SLC25A21: variants seen among roughly 807,000 people sequenced by gnomAD.
The protein encoded by SLC25A21 is mitochondrial 2-oxodicarboxylate carrier.
In SLC25A21, 47 loss-of-function variants were observed where a neutral mutation model predicts 43.8. The observed-to-expected ratio is 1.07, with a 90% CI of 0.85 to 1.37. The LOEUF is 1.37. SLC25A21 is among the 40% of genes most tolerant of loss of function. SLC25A21 has a pLI of 0.00. For missense variants in SLC25A21, 352 were observed against 350.2 expected (o/e 1.00, Z -0.04); for synonymous variants, 131 against 121.3 (o/e 1.08, Z -0.52).
At chr14:37,042,012 GA>G (rs1196866867) in intron 1 of SLC25A21, among the ~76,000 whole-genome samples, 1 of 152,204 alleles carries the variant, frequency 6.6e-6, no homozygotes. Flanking sequence ...GAGAAGCTGT[GA>G]TTTAAGCAAT....
At chr14:37,121,907 G>T (rs1032058677) in intron 1 of SLC25A21, among the ~76,000 whole-genome samples, 1 of 152,104 alleles carries the variant, frequency 6.6e-6, no homozygotes, top group Non-Finnish European at 1.5e-5. Context: ...TTTCTTTCAA[G>T]AACCATCTCG....
At chr14:37,158,539 T>G (rs1239869345) in intron 1 of SLC25A21, among the ~76,000 whole-genome samples, 2 of 152,118 alleles carry the variant, frequency 1.3e-5, no homozygotes, top group Non-Finnish European at 2.9e-5. Flanking sequence ...CATACTTTCT[T>G]GATAAAAATT....
At chr14:37,143,589 CGTGTGTGTGT>C (rs10531936) in intron 1 of SLC25A21, among the ~76,000 whole-genome samples, 2 of 148,650 alleles carry the variant, frequency 1.3e-5, no homozygotes, top group East Asian at 4.0e-4. Flanking sequence ...TGTTCATTAG[CGTGTGTGTGT>C]GTGTGTGTGT....
chr14:36,839,640 G>C (rs1342139943), intron 2 of SLC25A21, among the ~76,000 whole-genome samples: 1 of 152,208 alleles, frequency 6.6e-6, no homozygotes, highest in Non-Finnish European at 1.5e-5. Context: ...GTATCTTGGA[G>C]ATCAAGGCTT....
chr14:36,857,712 T>G (rs1889941022), intron 2 of SLC25A21, among the ~76,000 whole-genome samples: 1 of 152,116 alleles, frequency 6.6e-6, no homozygotes, highest in African/African-American at 2.4e-5. Flanking sequence ...AGTTTAAGGG[T>G]CAAATATTAC....
At chr14:36,722,245 T>C (rs1303797732) in intron 6 of SLC25A21, among the ~76,000 whole-genome samples, 1 of 152,076 alleles carries the variant, frequency 6.6e-6, no homozygotes, top group Non-Finnish European at 1.5e-5. Context: ...ATAGAGACAG[T>C]AAAAAGATCA....
chr14:37,124,807 T>G (rs1205293893), intron 1 of SLC25A21, among the ~76,000 whole-genome samples: 1 of 152,104 alleles, frequency 6.6e-6, no homozygotes, highest in Non-Finnish European at 1.5e-5. Flanking sequence ...TCTCACAAGA[T>G]CTGGTTATTT....
chr14:37,059,446 T>C (rs1282662155), intron 1 of SLC25A21, among the ~76,000 whole-genome samples: 1 of 152,220 alleles, frequency 6.6e-6, no homozygotes, highest in Non-Finnish European at 1.5e-5. Flanking sequence ...TATGTTACTG[T>C]CATATACTGT....
intron 1 of SLC25A21, among the ~76,000 whole-genome samples, chr14:36,984,481 T>G (rs898575699): frequency 3.9e-5 from 6 of 152,132 alleles, no homozygotes; most frequent in African/African-American, 1.4e-4. Context: ...AACTTATTTT[T>G]CAAACCTGTT....
intron 3 of SLC25A21, among the ~76,000 whole-genome samples, chr14:36,803,777 C>A (rs1325527): frequency 0.42 from 63,708 of 152,028 alleles, 13,826 homozygotes; most frequent in East Asian, 0.69. Context: ...TCATATGATG[C>A]TTCTTCACTC....
At chr14:37,055,998 T>A (rs2138804815) in intron 1 of SLC25A21, among the ~76,000 whole-genome samples, 1 of 152,146 alleles carries the variant, frequency 6.6e-6, no homozygotes, top group African/African-American at 2.4e-5. Flanking sequence ...ATCTACCTAG[T>A]GCAGTCTCAT....
chr14:36,848,155 G>T (rs1012644911), intron 2 of SLC25A21, among the ~76,000 whole-genome samples: 9 of 152,148 alleles, frequency 5.9e-5, no homozygotes, highest in Non-Finnish European at 1.0e-4. Context: ...TTACCCATCA[G>T]CCTCTAGATG....
At chr14:37,050,742 T>C (rs1324193314) in intron 1 of SLC25A21, among the ~76,000 whole-genome samples, 1 of 152,194 alleles carries the variant, frequency 6.6e-6, no homozygotes, top group Non-Finnish European at 1.5e-5. Flanking sequence ...TTTGAAATAA[T>C]AACCAAGTAC....
chr14:36,734,632 A>C lies in SLC25A21; in HGVS notation c.204-59T>G, dbSNP rs1884960859. ...GGAAATTAGGCAACAAGTATTTCTG[A>C]CTTTGTTAAGATAATCCTAAAGTAT... On this transcript the variant is annotated intron_variant, in intron 3 of 9. Coordinates refer to ENST00000331299, the MANE Select transcript of SLC25A21 (RefSeq NM_030631.4). 5 of 1,338,926 alleles carry C rather than the reference A, an allele frequency of 3.7e-6. No homozygotes were observed. In the Admixed American group the frequency reaches 7.8e-5, roughly 21 times the overall value. 82.9% of individuals were successfully genotyped at this position (1,338,926 alleles called of 1,614,324 possible).
Position 36,892,701 on chromosome 14 carries a change from C to T in SLC25A21, c.71-17697G>A, listed in dbSNP as rs574068756. On this transcript the variant is annotated intron_variant, in intron 1 of 9. Transcript: ENST00000331299. ...CTCCTAATGCTATCCCTCCCCACTC[C>T]CCCAACCCCACAACTGGCCCCGGTG... Among the ~76,000 whole-genome samples, 7 of 152,130 alleles carry T rather than the reference C, an allele frequency of 4.6e-5. No homozygotes were observed. In the South Asian group the frequency reaches 1.2e-3, roughly 27 times the overall value.
intron 6 of SLC25A21, among the ~76,000 whole-genome samples, chr14:36,724,712 A>G (rs1416142338): frequency 6.6e-6 from 1 of 152,202 alleles, no homozygotes; most frequent in Non-Finnish European, 1.5e-5. Flanking sequence ...TACGTCATGT[A>G]CCAATGATGA....
chr14:37,057,324 C>T (rs1961851863), intron 1 of SLC25A21, among the ~76,000 whole-genome samples: 1 of 152,094 alleles, frequency 6.6e-6, no homozygotes, highest in Admixed American at 6.6e-5. Flanking sequence ...GTCCTGAGTG[C>T]CTTGTCATTT....
chr14:37,047,387 C>G (rs1490186818), intron 1 of SLC25A21, among the ~76,000 whole-genome samples: 1 of 152,078 alleles, frequency 6.6e-6, no homozygotes, highest in African/African-American at 2.4e-5. Flanking sequence ...TGCTGTGAAA[C>G]CAGACCAAAG....
At chr14:36,937,223 C>G (rs748024468) in intron 1 of SLC25A21, among the ~76,000 whole-genome samples, 4 of 152,128 alleles carry the variant, frequency 2.6e-5, no homozygotes, top group Non-Finnish European at 5.9e-5. Flanking sequence ...GTCTTGGGCT[C>G]CTAGAAATAA....
Sources: gnomAD v4.1 joint callset for allele counts (sites outside exome capture counted in the v4.1 genomes callset) on GRCh38, gnomAD v4.1.1 for gene constraint, MANE v1.5 for transcripts, NCBI Gene and HGNC (gene_info 2026-07-23, HGNC 2026-07-21) for gene names.